The following PDE4D variants were observed in gnomAD, a reference collection of about 807,000 sequenced individuals.
PDE4D encodes the protein phosphodiesterase 4D.
Under a neutral mutation model 87.4 loss-of-function variants are expected in PDE4D, and 24 were observed. The observed-to-expected ratio is 0.27, with a 90% CI of 0.20 to 0.39. PDE4D has a LOEUF of 0.39. Among genes scored for constraint, PDE4D ranks in the 10% least tolerant of loss-of-function variants. The pLI is 1.00. For synonymous variants in PDE4D, 384 were observed against 383.2 expected (o/e 1.00, Z -0.02); for missense variants, 714 against 1,041.0 (o/e 0.69, Z 4.32).
At chr5:59,404,201 A>G (rs1045438563) in intron 1 of PDE4D, among the ~76,000 whole-genome samples, 2 of 152,168 alleles carry the variant, frequency 1.3e-5, no homozygotes, top group Non-Finnish European at 2.9e-5. Context: ...CTGGATATTA[A>G]TCCCTTGTCA....
chr5:60,323,988 C>T (rs572468113), intron 1 of PDE4D, among the ~76,000 whole-genome samples: 1 of 152,214 alleles, frequency 6.6e-6, no homozygotes, highest in East Asian at 1.9e-4. Context: ...ATGTGTCTGT[C>T]TTTGACGGTG....
chr5:59,033,195 A>T (rs961777877), intron 6 of PDE4D, among the ~76,000 whole-genome samples: 3 of 152,244 alleles, frequency 2.0e-5, no homozygotes, highest in African/African-American at 7.2e-5. Context: ...AACTTAACTA[A>T]TTTCCTAATG....
At chr5:59,887,476 C>T (rs1750337002) in intron 1 of PDE4D, among the ~76,000 whole-genome samples, 1 of 152,134 alleles carries the variant, frequency 6.6e-6, no homozygotes, top group African/African-American at 2.4e-5. Flanking sequence ...TGAGCCAGTA[C>T]TAGCAGCATT....
At chr5:59,028,399 A>T (rs1236998449) in intron 6 of PDE4D, among the ~76,000 whole-genome samples, 1 of 150,960 alleles carries the variant, frequency 6.6e-6, no homozygotes, top group East Asian at 1.9e-4. Flanking sequence ...TCTAACCCTC[A>T]CCCCCCAAAA....
At chr5:60,339,698 T>TTTTA (rs1249344286) in intron 1 of PDE4D, among the ~76,000 whole-genome samples, 1 of 152,150 alleles carries the variant, frequency 6.6e-6, no homozygotes, top group Non-Finnish European at 1.5e-5. Flanking sequence ...GGACGTCACA[T>TTTTA]TTTAGGCTGA....
chr5:59,730,756 T>A (rs1400519987), intron 1 of PDE4D, among the ~76,000 whole-genome samples: 1 of 152,174 alleles, frequency 6.6e-6, no homozygotes, highest in Non-Finnish European at 1.5e-5. Context: ...ATTGTAGTCA[T>A]GTGCCATATA....
chr5:59,677,297 G>T (rs922376753), intron 1 of PDE4D, among the ~76,000 whole-genome samples: 1 of 152,000 alleles, frequency 6.6e-6, no homozygotes, highest in Non-Finnish European at 1.5e-5. Context: ...TAATTTATAC[G>T]CCATCCATAT....
intron 1 of PDE4D, chr5:60,304,126 TTAG>T (rs1198933008): frequency 1.3e-5 from 2 of 152,206 alleles, no homozygotes; most frequent in African/African-American, 4.8e-5. Context: ...TGTTCCAAGT[TTAG>T]TATATGTTCT....
chr5:58,994,266 A>T (rs1237362232), intron 6 of PDE4D, among the ~76,000 whole-genome samples: 1 of 152,202 alleles, frequency 6.6e-6, no homozygotes, highest in Non-Finnish European at 1.5e-5. Flanking sequence ...TTTCATTGAA[A>T]GAAACACTGG....
rs145051956 is a variant in PDE4D, at chr5:59,378,668, T to A, written c.456-162700A>T. ...GAATAAAAACCAACATTTTAGAGGA[T>A]AATTCATGCTACTCAAAACAATCAC... is the stretch of plus-strand genomic sequence containing the variant. On this transcript the variant is annotated intron_variant, in intron 1 of 14. Transcript: ENST00000340635. 3.9e-5 allele frequency among the ~76,000 whole-genome samples: 6 copies of A among 152,336 alleles called. 1 individual carries two copies. The highest frequency in any genetic ancestry group is 1.3e-4 in the Admixed American group (2 of 15,300).
intron 1 of PDE4D, among the ~76,000 whole-genome samples, chr5:59,455,233 G>A (rs752036641): frequency 6.6e-6 from 1 of 152,198 alleles, no homozygotes; most frequent in Non-Finnish European, 1.5e-5. Context: ...AGGCCTGGAG[G>A]CCTAGGAGGA....
chr5:60,313,385 A>G (rs1755230142), intron 1 of PDE4D, among the ~76,000 whole-genome samples: 1 of 152,224 alleles, frequency 6.6e-6, no homozygotes, highest in Non-Finnish European at 1.5e-5. Context: ...TGAACTAGGA[A>G]GAAATTCAAA....
chr5:60,494,701 AT>A (rs1749719152), intron 1 of PDE4D, among the ~76,000 whole-genome samples: 1 of 152,188 alleles, frequency 6.6e-6, no homozygotes, highest in African/African-American at 2.4e-5. Flanking sequence ...CTGTGAAAAT[AT>A]AAGTAAATGG....
chr5:59,545,361 T>A (rs913576940), intron 1 of PDE4D, among the ~76,000 whole-genome samples: 3 of 151,242 alleles, frequency 2.0e-5, no homozygotes, highest in East Asian at 2.0e-4. Context: ...AAAAAAAAAA[T>A]GTTGCAGTTT....
chr5:59,371,292 C>T (rs151802), intron 1 of PDE4D, among the ~76,000 whole-genome samples: 116,778 of 152,080 alleles, frequency 0.77, 45,343 homozygotes, highest in African/African-American at 0.86. Context: ...TACCAAGTTT[C>T]TCTGAACAAG....
At chr5:59,327,937 T>A (rs552648403) in intron 1 of PDE4D, among the ~76,000 whole-genome samples, 3 of 152,128 alleles carry the variant, frequency 2.0e-5, no homozygotes, top group African/African-American at 7.2e-5. Flanking sequence ...TCAAATGAGA[T>A]AATGGTAAGA....
At chr5:60,521,840 C>A (rs1751049800) in intron 1 of PDE4D, 1 of 151,902 alleles carries the variant, frequency 6.6e-6, no homozygotes, top group Non-Finnish European at 1.5e-5. Flanking sequence ...ACATTGGAAT[C>A]TCCAAATCTG....
intron 1 of PDE4D, among the ~76,000 whole-genome samples, chr5:60,482,932 A>G (rs1748846666): frequency 6.6e-6 from 1 of 152,154 alleles, no homozygotes; most frequent in African/African-American, 2.4e-5. Flanking sequence ...ATTTTGTTTT[A>G]GCAATTTTAA....
At chr5:59,995,681 T>A (rs1763466357) in intron 2 of PDE4D, among the ~76,000 whole-genome samples, 1 of 152,158 alleles carries the variant, frequency 6.6e-6, no homozygotes, top group African/African-American at 2.4e-5. Flanking sequence ...TGAATACAAA[T>A]ATCTTCTGCC....
Sources: gnomAD v4.1 joint callset for allele counts (sites outside exome capture counted in the v4.1 genomes callset) on GRCh38, gnomAD v4.1.1 for gene constraint, MANE v1.5 for transcripts, NCBI Gene and HGNC (gene_info 2026-07-23, HGNC 2026-07-21) for gene names.